DNAH8: variants seen among roughly 807,000 people sequenced by gnomAD.
The protein encoded by DNAH8 is axonemal beta dynein heavy chain 8.
DNAH8 carries 382 observed loss-of-function variants against 562.1 expected under a neutral mutation model. The ratio of observed to expected loss-of-function variants is 0.68; its 90% CI spans 0.63 to 0.74. The LOEUF (loss-of-function observed/expected upper bound fraction) is 0.74. Ranked by LOEUF, DNAH8 falls within the 30% of genes least tolerant of loss-of-function variation. The pLI, the probability that DNAH8 is intolerant of heterozygous loss-of-function variation, is 0.00. For missense variants in DNAH8, 5,203 were observed against 5,620.4 expected, an observed-to-expected ratio of 0.93 and a Z score of 2.37; for synonymous variants, 1,881 against 1,919.4, an observed-to-expected ratio of 0.98 and a Z score of 0.52.
intron 53 of DNAH8, among the ~76,000 whole-genome samples, chr6:38,878,559 A>G (rs1191406371): frequency 6.6e-6 from 1 of 152,218 alleles, no homozygotes; most frequent in Non-Finnish European, 1.5e-5. Context: ...ATCAATAAAA[A>G]GAATAAATCT....
At chr6:39,016,098 C>T (rs1429360317) in intron 91 of DNAH8, among the ~76,000 whole-genome samples, 1 of 152,196 alleles carries the variant, frequency 6.6e-6, no homozygotes, top group East Asian at 1.9e-4. Flanking sequence ...CAGATAGAGT[C>T]CTTTCCCACT....
intron 85 of DNAH8, among the ~76,000 whole-genome samples, chr6:38,982,031 G>A (rs1014122192): frequency 6.6e-6 from 1 of 152,124 alleles, no homozygotes; most frequent in East Asian, 1.9e-4. Context: ...ATTCAGTCCC[G>A]TAACATGCTG....
chr6:38,743,067 G>C (rs970936762), intron 8 of DNAH8, among the ~76,000 whole-genome samples: 1 of 141,506 alleles, frequency 7.1e-6, no homozygotes, highest in Non-Finnish European at 1.5e-5. Context: ...ACCCAGGCTG[G>C]AGTGCAAAGG....
At chr6:38,835,738 G>A (rs1310747036) in intron 32 of DNAH8, among the ~76,000 whole-genome samples, 1 of 152,146 alleles carries the variant, frequency 6.6e-6, no homozygotes, top group Admixed American at 6.5e-5. Context: ...ATAGTGGTGA[G>A]GAACGAGGTG....
intron 85 of DNAH8, among the ~76,000 whole-genome samples, chr6:38,980,627 A>G (rs1243220877): frequency 1.4e-4 from 22 of 152,178 alleles, no homozygotes; most frequent in Admixed American, 1.4e-3. Flanking sequence ...TCTACCTTGG[A>G]TCAAATTAGC....
At chr6:38,756,145 G>C in intron 10 of DNAH8, 66 bp downstream of exon 10, 1 of 1,005,182 alleles carries the variant, frequency 9.9e-7, no homozygotes, top group Non-Finnish European at 1.6e-6. Flanking sequence ...TTCCTTCTGA[G>C]CCCTAGGAAG....
chr6:38,829,526 G>A (rs2150349717), intron 30 of DNAH8, among the ~76,000 whole-genome samples: 1 of 152,122 alleles, frequency 6.6e-6, no homozygotes, highest in South Asian at 2.1e-4. Flanking sequence ...TATAAGTTAG[G>A]GATTCGACTT....
intron 12 of DNAH8, among the ~76,000 whole-genome samples, chr6:38,775,330 A>G (rs72849187): frequency 0.12 from 18,638 of 152,216 alleles, 1,392 homozygotes; most frequent in Admixed American, 0.22. Context: ...GTCTTTTACC[A>G]GAACACAGGC....
At chr6:39,007,243 C>G (rs1333176759) in intron 88 of DNAH8, among the ~76,000 whole-genome samples, 1 of 152,100 alleles carries the variant, frequency 6.6e-6, no homozygotes. Flanking sequence ...AGGATTAATT[C>G]TTAGGTGTAG....
At chr6:38,784,545 T>C (rs1397299398) in intron 17 of DNAH8, among the ~76,000 whole-genome samples, 3 of 152,228 alleles carry the variant, frequency 2.0e-5, no homozygotes, top group Non-Finnish European at 2.9e-5. Context: ...TACTGCTTTA[T>C]AGATCTACCT....
At position 38,874,074 on chromosome 6, in the gene DNAH8, T is replaced by TTC. The variant is rs1174916372; in HGVS notation, c.7620+700_7620+701dup. On this transcript the variant is annotated intron_variant, in intron 52 of 92. Coordinates refer to ENST00000327475, the MANE Select transcript of DNAH8 (RefSeq NM_001206927.2). ...TCTTTCTTTCTTTCTTTCTTTTTCT[T>TTC]TCTTTCTTTCTTTCTTTCTTTCTCT... Among the ~76,000 whole-genome samples the TTC allele has an allele frequency of 5.0e-5, 5 of 100,554 alleles. 2 individuals are homozygous for TTC. Among genetic ancestry groups the TTC allele is most frequent in the African/African-American group, 1.1e-4 (3 of 28,466 alleles). The allele number at this position is 100,554 out of a possible 152,430, so 66.0% of individuals were successfully genotyped here. A position where few individuals can be genotyped will look rare whatever the true frequency, so the allele number is the denominator to read the frequency against.
rs749017903 is a variant in DNAH8, at chr6:38,756,078, A to G, written c.1514A>G (p.Lys505Arg). ...GAGAGAATGACCTCATTGTTTATCA[A>G]GGTAAGTTTCTGTGGGAGGAAATTA... The part of the protein sequence containing the change: ...TSERMTSLFI[K>R]VTNQMVTACK... The change falls in exon 10 of 93, where the codon AAG becomes AGG. Residue 505 changes from lysine to arginine, a missense_variant and splice_region_variant. Physicochemically the swap from Lys to Arg is conservative, Grantham distance 26. Transcript: ENST00000327475. 3 of 1,553,372 alleles carry G rather than the reference A, an allele frequency of 1.9e-6. No individual in the cohort carries two copies. The Admixed American group carries it at 5.0e-5, about 26-fold the overall frequency.
chr6:38,868,041 TGCCC>T lies in DNAH8; in HGVS notation c.6694-20_6694-17del, dbSNP rs1275620661. ...TAGTTTTTCAATTAAACCATCTTTTTGCCCTCTTCTCCCATCTCAGGTTCATTAT... is the reference window on the plus strand; with the variant it reads ...TAGTTTTTCAATTAAACCATCTTTTTTCTTCTCCCATCTCAGGTTCATTAT... On this transcript the variant is annotated splice_polypyrimidine_tract_variant and intron_variant, in intron 47 of 92. Coordinates refer to ENST00000327475, the MANE Select transcript of DNAH8 (RefSeq NM_001206927.2). 1 of 1,602,074 alleles carries T rather than the reference TGCCC, an allele frequency of 6.2e-7. No homozygotes were observed. Among genetic ancestry groups the T allele is most frequent in the Non-Finnish European group, 8.5e-7 (1 of 1,175,836 alleles).
At chr6:38,950,192 G>A (rs776918047) in intron 81 of DNAH8, among the ~76,000 whole-genome samples, 1 of 74,432 alleles carries the variant, frequency 1.3e-5, no homozygotes, top group African/African-American at 6.1e-5. Context: ...GTGTCTGCGT[G>A]TGTGTGTGTG....
At chr6:38,843,168 C>T (rs972573790) in intron 35 of DNAH8, among the ~76,000 whole-genome samples, 2 of 150,832 alleles carry the variant, frequency 1.3e-5, no homozygotes, top group Non-Finnish European at 2.9e-5. Flanking sequence ...CCAGAATGCA[C>T]TTCCACTTAA....
chr6:38,904,293 A>G (rs111759001), intron 62 of DNAH8, among the ~76,000 whole-genome samples: 36 of 152,298 alleles, frequency 2.4e-4, no homozygotes, highest in African/African-American at 8.2e-4. Flanking sequence ...ATAGCAATAT[A>G]GAAGTCTCAG....
At chr6:38,903,500 G>A (rs370602582) in intron 62 of DNAH8, among the ~76,000 whole-genome samples, 4 of 151,958 alleles carry the variant, frequency 2.6e-5, no homozygotes, top group Non-Finnish European at 4.4e-5. Flanking sequence ...CTCCCACCAA[G>A]CCCCGCCTCC....
chr6:38,848,787 A>C lies in DNAH8; in HGVS notation c.5185A>C (p.Lys1729Gln), dbSNP rs148767488. ...CGTCTTTGTAGGTGGAGATATTGCCAAACAGCTGCCTCAGGTAAATATGGC... is the reference window on the plus strand; with the variant it reads ...CGTCTTTGTAGGTGGAGATATTGCCCAACAGCTGCCTCAGGTAAATATGGC... ...EAVFVGGDIAKQLPQEAKRFQ... is the reference protein window; with the variant it reads ...EAVFVGGDIAQQLPQEAKRFQ... The change falls in exon 37 of 93, where the codon AAA (lysine) becomes CAA (glutamine). Residue 1729 changes from lysine to glutamine, a missense_variant. Coordinates refer to ENST00000327475, the MANE Select transcript of DNAH8 (RefSeq NM_001206927.2). 2.9e-4 allele frequency: 466 copies of C among 1,613,418 alleles called. No homozygotes were observed. The highest frequency in any genetic ancestry group is 4.0e-4 in the Admixed American group (24 of 59,988).
chr6:38,923,838 C>T (rs911597969), intron 72 of DNAH8, among the ~76,000 whole-genome samples, 153 bp from the exon 73 acceptor site: 1 of 152,038 alleles, frequency 6.6e-6, no homozygotes, highest in Non-Finnish European at 1.5e-5. Flanking sequence ...TTTGGGGCTC[C>T]ACTTTGCACG....
Sources: allele counts gnomAD v4.1 joint callset (sites outside exome capture counted in the v4.1 genomes callset), GRCh38; gene constraint gnomAD v4.1.1; transcripts MANE v1.5; gene names NCBI Gene and HGNC (gene_info 2026-07-23, HGNC 2026-07-21).